Variants in SLC26A8 observed in about 807,000 individuals in gnomAD.
SLC26A8 encodes the protein testis anion transporter 1.
SLC26A8 carries 70 observed loss-of-function variants against 105.0 expected under a neutral mutation model. That is an observed-to-expected ratio of 0.67 (90% CI 0.55 to 0.81). The LOEUF (loss-of-function observed/expected upper bound fraction) is 0.81, where lower values mean the gene tolerates loss of function less well. SLC26A8 is among the 40% of genes least tolerant of loss of function. The pLI is 0.00. For synonymous variants in SLC26A8, 415 were observed against 438.3 expected (o/e 0.95, Z 0.66); for missense variants, 998 against 1,181.8 (o/e 0.84, Z 2.28).
chr6:35,948,167 A>G (rs905810505), intron 19 of SLC26A8, among the ~76,000 whole-genome samples: 2 of 152,224 alleles, frequency 1.3e-5, no homozygotes, highest in African/African-American at 4.8e-5. Flanking sequence ...GGGACCTGAC[A>G]AAAGATTCAA....
chr6:35,976,338 C>G (rs574482353), intron 9 of SLC26A8, among the ~76,000 whole-genome samples: 2 of 151,410 alleles, frequency 1.3e-5, no homozygotes, highest in Admixed American at 1.3e-4. Flanking sequence ...GCAGGAGAAT[C>G]GCTTGAACCT....
intron 3 of SLC26A8, among the ~76,000 whole-genome samples, chr6:36,004,364 T>C (rs150054461): frequency 6.6e-6 from 1 of 152,208 alleles, no homozygotes; most frequent in East Asian, 1.9e-4. Context: ...GCATGAGCCA[T>C]TGCACCTAAG....
At chr6:35,970,117 T>C (rs1772729741) in intron 10 of SLC26A8, among the ~76,000 whole-genome samples, 1 of 152,074 alleles carries the variant, frequency 6.6e-6, no homozygotes. Flanking sequence ...GGGGCAAAAT[T>C]ATAACCACAA....
intron 11 of SLC26A8, among the ~76,000 whole-genome samples, chr6:35,968,605 GTGTGTATATATATATATATATATATATA>G (rs1354258018): frequency 5.6e-5 from 3 of 53,862 alleles, no homozygotes; most frequent in African/African-American, 2.4e-4. Context: ...GTGTGTGTGT[GTGTGTATATATATATATATATATATATA>G]TATATATATA....
intron 19 of SLC26A8, among the ~76,000 whole-genome samples, chr6:35,946,152 C>G (rs1378129743): frequency 2.0e-5 from 3 of 152,198 alleles, no homozygotes; most frequent in African/African-American, 7.2e-5. Flanking sequence ...GGTTATAACC[C>G]TTCCCCTGAT....
At position 35,984,254 on chromosome 6, in the gene SLC26A8, T is replaced by G. The variant is rs74588679; in HGVS notation, c.943-2051A>C. 8.0e-3 allele frequency among the ~76,000 whole-genome samples: 1,223 copies of G among 152,116 alleles called. 25 individuals are homozygous for G. The highest frequency in any genetic ancestry group is 0.027 in the African/African-American group (1,131 of 41,486). On this transcript the variant is annotated intron_variant, in intron 7 of 19. Transcript: ENST00000490799. ...CTACCTCACCTCACCTCATGAAGCA[T>G]TGTAATTATTTATAGCATTCTCCAA... is the stretch of plus-strand genomic sequence containing the variant.
intron 17 of SLC26A8, 76 bp from the exon 18 acceptor site, chr6:35,951,575 G>A (rs1771874562): frequency 7.8e-6 from 12 of 1,533,176 alleles, no homozygotes; most frequent in Non-Finnish European, 1.1e-5. Context: ...CTAAGTTTTT[G>A]TCTTGTTTTG....
At chr6:35,988,841 GTTT>G (rs56822307) in intron 7 of SLC26A8, among the ~76,000 whole-genome samples, 2 of 128,382 alleles carry the variant, frequency 1.6e-5, no homozygotes, top group African/African-American at 5.8e-5. Context: ...GTTCTATACG[GTTT>G]TTTTTTTTTT....
chr6:35,955,527 C>A lies in SLC26A8; in HGVS notation c.1864-7G>T. 1 of 1,612,310 alleles carries A rather than the reference C, an allele frequency of 6.2e-7. No homozygotes were observed. The highest frequency in any genetic ancestry group is 8.5e-7 in the Non-Finnish European group (1 of 1,178,864). ...ATCGCTCTGTGTAAAGAATCTGGGA[C>A]GACAGAGTTAAGGGAGGGCTGTGGT... On this transcript the variant is annotated splice_region_variant and splice_polypyrimidine_tract_variant and intron_variant, in intron 16 of 19. Transcript: ENST00000490799.
intron 11 of SLC26A8, among the ~76,000 whole-genome samples, chr6:35,968,609 GTATATATA>G (rs55987809): frequency 0.016 from 954 of 59,968 alleles, 10 homozygotes; most frequent in Non-Finnish European, 0.023. Flanking sequence ...GTGTGTGTGT[GTATATATA>G]TATATATATA....
intron 16 of SLC26A8, among the ~76,000 whole-genome samples, chr6:35,957,917 T>A (rs1772146774): frequency 6.6e-6 from 1 of 152,092 alleles, no homozygotes; most frequent in Non-Finnish European, 1.5e-5. Context: ...TCCGAGATCC[T>A]TCTTTTCTCT....
chr6:35,978,028 G>A (rs989267080), intron 8 of SLC26A8, among the ~76,000 whole-genome samples: 4 of 150,660 alleles, frequency 2.7e-5, no homozygotes, highest in African/African-American at 9.8e-5. Flanking sequence ...AGAGGTTGCA[G>A]TGAGCAGAGA....
chr6:35,951,665 G>A (rs369195248), intron 17 of SLC26A8, among the ~76,000 whole-genome samples, 166 bp from the exon 18 acceptor site: 163 of 152,050 alleles, frequency 1.1e-3, no homozygotes, highest in Non-Finnish European at 1.5e-3. Flanking sequence ...TGCAACCTCC[G>A]CCTCCCAGGT....
intron 8 of SLC26A8, among the ~76,000 whole-genome samples, chr6:35,979,401 G>A (rs1773181082): frequency 6.6e-6 from 1 of 151,922 alleles, no homozygotes; most frequent in African/African-American, 2.4e-5. Flanking sequence ...GCATGAACCC[G>A]GGAGGCGGAG....
At chr6:35,984,075 G>C (rs958966782) in intron 7 of SLC26A8, among the ~76,000 whole-genome samples, 1 of 152,130 alleles carries the variant, frequency 6.6e-6, no homozygotes, top group Non-Finnish European at 1.5e-5. Context: ...GGCAGAAACT[G>C]TGTCCCCATC....
At position 35,955,364 on chromosome 6, in the gene SLC26A8, CTTG is replaced by C. The variant is rs767529034; in HGVS notation, c.2017_2019del (p.Gln673del). ...TCCTCCACCTCCTCATACTGTTGCCCTTGATTTTTCTGAGACACGGACGATACT... is the reference window on the plus strand; with the variant it reads ...TCCTCCACCTCCTCATACTGTTGCCCATTTTTCTGAGACACGGACGATACT... On this transcript the variant is annotated inframe_deletion, in exon 17 of 20. Coordinates refer to ENST00000490799, the MANE Select transcript of SLC26A8 (RefSeq NM_052961.4). 2 of 1,614,158 alleles carry C rather than the reference CTTG, an allele frequency of 1.2e-6. No homozygotes were observed. Among genetic ancestry groups the C allele is most frequent in the Non-Finnish European group, 1.7e-6 (2 of 1,180,040 alleles).
chr6:35,975,848 C>T (rs1581652188), intron 9 of SLC26A8, among the ~76,000 whole-genome samples: 1 of 139,918 alleles, frequency 7.1e-6, no homozygotes. Context: ...GAGAGACAGA[C>T]GTTGTGGTGA....
chr6:35,974,411 C>A (rs1267791410), intron 10 of SLC26A8, among the ~76,000 whole-genome samples: 1 of 152,210 alleles, frequency 6.6e-6, no homozygotes, highest in Non-Finnish European at 1.5e-5. Context: ...ACAGTCTTTT[C>A]GACCACCATT....
rs199675856 is a variant in SLC26A8, at chr6:35,991,829, G to A, written c.793-21C>T. 106 of 1,565,800 alleles carry A rather than the reference G, an allele frequency of 6.8e-5. No individual in the cohort carries two copies. The Middle Eastern group carries it at 7.0e-4, about 10-fold the overall frequency. ...ATGTCCTGAAAGAAAATAAAATTAC[G>A]GAGGCTTAGAAAGGGATGTAGTAAT... On this transcript the variant is annotated intron_variant, in intron 6 of 19. Transcript: ENST00000490799.
Sources: allele counts gnomAD v4.1 joint callset (sites outside exome capture counted in the v4.1 genomes callset), GRCh38; gene constraint gnomAD v4.1.1; transcripts MANE v1.5; gene names NCBI Gene and HGNC (gene_info 2026-07-23, HGNC 2026-07-21).